The following SEPTIN14 variants were observed in gnomAD, a reference collection of about 807,000 sequenced individuals.
The protein encoded by SEPTIN14 is septin-14.
SEPTIN14 carries 40 observed loss-of-function variants against 53.6 expected under a neutral mutation model. The ratio of observed to expected loss-of-function variants is 0.75; its 90% CI spans 0.58 to 0.97. The LOEUF (loss-of-function observed/expected upper bound fraction) is 0.97, where lower values mean the gene tolerates loss of function less well. SEPTIN14 is among the 50% of genes least tolerant of loss of function. SEPTIN14 has a pLI of 0.00. For missense variants in SEPTIN14, 471 were observed against 508.2 expected (o/e 0.93, Z 0.70); for synonymous variants, 138 against 166.8 (o/e 0.83, Z 1.33).
intron 7 of SEPTIN14, among the ~76,000 whole-genome samples, chr7:55,818,608 G>T (rs1788836644): frequency 6.6e-6 from 1 of 151,784 alleles, no homozygotes; most frequent in African/African-American, 2.4e-5. Flanking sequence ...AACTCATTAT[G>T]ATGCTAAATA....
At position 55,844,714 on chromosome 7, in the gene SEPTIN14, C is replaced by T. The variant is rs140850761; in HGVS notation, c.180G>A (p.Glu60=). 5.7e-4 allele frequency: 892 copies of T among 1,565,102 alleles called. 8 individuals are homozygous for T. In the African/African-American group the frequency reaches 9.5e-3, roughly 17 times the overall value. ...GFTFNILCVG[E]TGIGKSTLID... is the part of the protein sequence containing the mutation. Reference sequence around the variant, plus strand: ...TCAGTGTCGATTTTCCAATTCCAGTCTCCCCTGTAATAGACATAGAGTCAT... The same window carrying T: ...TCAGTGTCGATTTTCCAATTCCAGTTTCCCCTGTAATAGACATAGAGTCAT... The change falls in exon 4 of 10, where the codon GAG becomes GAA. Residue 60 remains glutamate, a synonymous_variant. Coordinates refer to ENST00000388975, the MANE Select transcript of SEPTIN14 (RefSeq NM_207366.3).
At chr7:55,830,335 A>ATTT (rs1562713324) in intron 6 of SEPTIN14, among the ~76,000 whole-genome samples, 7 of 34,300 alleles carry the variant, frequency 2.0e-4, no homozygotes, top group African/African-American at 1.0e-3. Context: ...ATATATATAT[A>ATTT]TATATATATA....
At chr7:55,799,604 A>C (rs1788494558) in intron 9 of SEPTIN14, among the ~76,000 whole-genome samples, 1 of 151,694 alleles carries the variant, frequency 6.6e-6, no homozygotes, top group Non-Finnish European at 1.5e-5. Context: ...AGGTATACTT[A>C]TTGCAGACAA....
chr7:55,843,231 T>G, intron 4 of SEPTIN14, 103 bp from the exon 5 acceptor site: 1 of 604,586 alleles, frequency 1.7e-6, no homozygotes, highest in Non-Finnish European at 2.7e-6. Context: ...CAGTTTGCTA[T>G]AGTGATGAAG....
chr7:55,796,316 T>C (rs1184412284), intron 9 of SEPTIN14, among the ~76,000 whole-genome samples: 1 of 152,058 alleles, frequency 6.6e-6, no homozygotes, highest in East Asian at 1.9e-4. Flanking sequence ...CAGGCTGGAG[T>C]GCAGTGGCGC....
chr7:55,835,425 A>G (rs1258259679), intron 5 of SEPTIN14, among the ~76,000 whole-genome samples: 1 of 151,776 alleles, frequency 6.6e-6, no homozygotes, highest in Non-Finnish European at 1.5e-5. Context: ...GATATTCTCG[A>G]TCTCCTGACC....
At chr7:55,821,859 T>C (rs775843763) in intron 6 of SEPTIN14, among the ~76,000 whole-genome samples, 19 of 152,130 alleles carry the variant, frequency 1.2e-4, no homozygotes, top group Non-Finnish European at 2.5e-4. Context: ...ACGCTACTGA[T>C]AAAAGATATA....
intron 6 of SEPTIN14, among the ~76,000 whole-genome samples, chr7:55,833,035 G>A (rs758680529): frequency 6.6e-6 from 1 of 151,944 alleles, no homozygotes; most frequent in Non-Finnish European, 1.5e-5. Flanking sequence ...AAAAGATCTC[G>A]CCTGTGTGGT....
intron 6 of SEPTIN14, among the ~76,000 whole-genome samples, chr7:55,821,960 C>G (rs553948796): frequency 6.6e-6 from 1 of 152,264 alleles, no homozygotes; most frequent in South Asian, 2.1e-4. Flanking sequence ...GTGAAAGGCA[C>G]TTCCTACATG....
intron 2 of SEPTIN14, among the ~76,000 whole-genome samples, chr7:55,858,401 G>T (rs1478006008): frequency 6.6e-6 from 1 of 152,126 alleles, no homozygotes; most frequent in Non-Finnish European, 1.5e-5. Context: ...TCTTTCTGAG[G>T]CATAGCACAA....
At chr7:55,809,833 CTT>C (rs542777992) in intron 7 of SEPTIN14, among the ~76,000 whole-genome samples, 17,126 of 111,966 alleles carry the variant, frequency 0.15, 1,769 homozygotes, top group African/African-American at 0.39. Flanking sequence ...AATGGCTTGT[CTT>C]TTTTTTTTTT....
chr7:55,818,567 G>C (rs558963843), intron 7 of SEPTIN14, among the ~76,000 whole-genome samples: 116 of 150,734 alleles, frequency 7.7e-4, no homozygotes, highest in African/African-American at 2.6e-3. Flanking sequence ...ATATGAACCA[G>C]ACAATAAATT....
chr7:55,830,340 TATATATA>T (rs1252525423), intron 6 of SEPTIN14, among the ~76,000 whole-genome samples: 40 of 37,642 alleles, frequency 1.1e-3, no homozygotes, highest in East Asian at 3.0e-3. Context: ...TATATATATA[TATATATA>T]TATTTTTTTT....
chr7:55,848,607 A>ATT (rs34269322), intron 2 of SEPTIN14, among the ~76,000 whole-genome samples: 10 of 110,248 alleles, frequency 9.1e-5, no homozygotes, highest in African/African-American at 2.0e-4. Context: ...ACTAACAGAG[A>ATT]TTTTTTTTTT....
At chr7:55,841,775 A>T (rs1331242743) in intron 5 of SEPTIN14, among the ~76,000 whole-genome samples, 1 of 151,606 alleles carries the variant, frequency 6.6e-6, no homozygotes, top group Admixed American at 6.6e-5. Context: ...GAATCGCTTG[A>T]ACCCAGGAGG....
chr7:55,796,640 T>G (rs1788436642), intron 9 of SEPTIN14, among the ~76,000 whole-genome samples: 1 of 152,034 alleles, frequency 6.6e-6, no homozygotes, highest in Non-Finnish European at 1.5e-5. Context: ...ACTGACTGGA[T>G]GCAGTGGCTC....
At chr7:55,853,061 A>G (rs1270347752) in intron 2 of SEPTIN14, among the ~76,000 whole-genome samples, 3 of 152,204 alleles carry the variant, frequency 2.0e-5, no homozygotes, top group Non-Finnish European at 4.4e-5. Context: ...AAAATGTGGA[A>G]AAAAAGAGAA....
At chr7:55,859,479 G>A (rs576418129) in intron 2 of SEPTIN14, among the ~76,000 whole-genome samples, 4 of 152,042 alleles carry the variant, frequency 2.6e-5, no homozygotes, top group African/African-American at 7.2e-5. Context: ...TTCTATGATG[G>A]TACCATACTA....
chr7:55,801,582 C>T (rs1056087695), intron 9 of SEPTIN14, among the ~76,000 whole-genome samples: 1 of 152,088 alleles, frequency 6.6e-6, no homozygotes, highest in African/African-American at 2.4e-5. Flanking sequence ...AAAGAAAAGG[C>T]CGTACTAGGT....
Sources: gnomAD v4.1 joint callset for allele counts (sites outside exome capture counted in the v4.1 genomes callset) on GRCh38, gnomAD v4.1.1 for gene constraint, MANE v1.5 for transcripts, NCBI Gene and HGNC (gene_info 2026-07-23, HGNC 2026-07-21) for gene names.